The following MTM1 variants were observed in gnomAD, a reference collection of about 807,000 sequenced individuals.
MTM1 encodes myotubularin 1, also known as myotubularin.
Under a neutral mutation model 52.1 loss-of-function variants are expected in MTM1, and 9 were observed. That is an observed-to-expected ratio of 0.17 (90% CI 0.10 to 0.30). MTM1 has a LOEUF of 0.30. Ranked by LOEUF, MTM1 falls within the 10% of genes least tolerant of loss-of-function variation. MTM1 has a pLI of 1.00. For missense variants in MTM1, 277 were observed against 470.7 expected, an observed-to-expected ratio of 0.59 and a Z score of 3.81; for synonymous variants, 136 against 163.8, an observed-to-expected ratio of 0.83 and a Z score of 1.29.
At chrX:150,563,986 C>T (rs1557411142), upstream of MTM1, among the ~76,000 whole-genome samples, 1 of 111,645 alleles carries the variant, frequency 9.0e-6, no homozygotes, top group Non-Finnish European at 1.9e-5. Context: ...GATTTGGGGG[C>T]AATTGTATAT....
chrX:150,666,169 T>C (rs1347974582), intron 14 of MTM1, among the ~76,000 whole-genome samples: 2 of 112,434 alleles, frequency 1.8e-5, no homozygotes, highest in African/African-American at 3.2e-5. Flanking sequence ...ACTTTATAAT[T>C]CATTTCCCAA....
intron 4 of MTM1, among the ~76,000 whole-genome samples, chrX:150,611,789 C>T (rs1230862386): frequency 1.8e-5 from 2 of 112,092 alleles, no homozygotes; most frequent in Admixed American, 9.5e-5. Context: ...TTTAGAGTCG[C>T]GCTATCCCTC....
Position 150,633,783 on chromosome X carries a change from G to A in MTM1, c.445-5160G>A, listed in dbSNP as rs150766865. On this transcript the variant is annotated intron_variant, in intron 6 of 14. Transcript: ENST00000370396. ...GCCGTGGCTCACGCCTGTAAGCCAA[G>A]CACTTTGAAAGGCCAAGGTGGGTAG... 3.5e-3 allele frequency among the ~76,000 whole-genome samples: 392 copies of A among 112,425 alleles called. 3 individuals carry two copies. Among genetic ancestry groups the A allele is most frequent in the African/African-American group, 0.012 (365 of 30,994 alleles).
intron 4 of MTM1, among the ~76,000 whole-genome samples, chrX:150,603,863 T>C (rs2039108193): frequency 1.8e-5 from 2 of 111,335 alleles, no homozygotes; most frequent in African/African-American, 6.6e-5. Flanking sequence ...CCGGGGGACA[T>C]GGACACTTTT....
intron 1 of MTM1, among the ~76,000 whole-genome samples, chrX:150,569,418 T>C (rs1472944747): frequency 1.8e-5 from 2 of 113,057 alleles, no homozygotes; most frequent in Non-Finnish European, 3.7e-5. Context: ...TAGAGCTTTA[T>C]AGACGCACGC....
At chrX:150,570,635 A>G (rs781923055) in intron 1 of MTM1, among the ~76,000 whole-genome samples, 34 of 111,835 alleles carry the variant, frequency 3.0e-4, no homozygotes, top group South Asian at 7.5e-4. Flanking sequence ...GCTGAGGTCA[A>G]TATTGGTTGT....
chrX:150,578,241 T>G (rs2038507834), intron 1 of MTM1, among the ~76,000 whole-genome samples: 1 of 111,997 alleles, frequency 8.9e-6, no homozygotes, highest in African/African-American at 3.3e-5. Context: ...GCAGGTGGTC[T>G]CTAGGAACTA....
At chrX:150,599,948 G>A (rs2039041368) in intron 4 of MTM1, among the ~76,000 whole-genome samples, 1 of 112,202 alleles carries the variant, frequency 8.9e-6, no homozygotes. Flanking sequence ...TTTTAAACAT[G>A]ATTTTTAAGT....
intron 4 of MTM1, among the ~76,000 whole-genome samples, chrX:150,607,832 C>T (rs2039197083): frequency 9.0e-6 from 1 of 111,613 alleles, no homozygotes; most frequent in African/African-American, 3.3e-5. Flanking sequence ...TTCTCCCTCA[C>T]GAAGCTTATA....
intron 1 of MTM1, among the ~76,000 whole-genome samples, chrX:150,583,618 ATT>A (rs781841193): frequency 2.9e-5 from 1 of 34,740 alleles, no homozygotes; most frequent in Non-Finnish European, 4.4e-5. Flanking sequence ...ATTTATATAT[ATT>A]ATATATAATT....
At chrX:150,584,026 CTGGCAGCAAATATATTTTTATATA>C (rs2038735930) in intron 1 of MTM1, among the ~76,000 whole-genome samples, 1 of 90,596 alleles carries the variant, frequency 1.1e-5, no homozygotes, top group Non-Finnish European at 2.1e-5. Flanking sequence ...CATACCTGAT[CTGGCAGCAAATATATTTTTATATA>C]TGGCAGCAAA....
chrX:150,599,353 G>C (rs781895238), intron 4 of MTM1, among the ~76,000 whole-genome samples: 11 of 112,345 alleles, frequency 9.8e-5, no homozygotes, highest in African/African-American at 3.6e-4. Context: ...AAAGGGAAGA[G>C]AGAGTGAGTA....
chrX:150,563,471 C>T (rs1913261207), upstream of MTM1, among the ~76,000 whole-genome samples: 1 of 106,983 alleles, frequency 9.3e-6, no homozygotes, highest in African/African-American at 3.4e-5. Flanking sequence ...CGTGCCACCA[C>T]ACCTGGCTAA....
chrX:150,563,305 CTTTTTTTTTTTTTTTT>C, the MTM1 span, among the ~76,000 whole-genome samples: 1 of 34,503 alleles, frequency 2.9e-5, no homozygotes, highest in Non-Finnish European at 4.9e-5. Context: ...TAAATCTCAG[CTTTTTTTTTTTTTTTT>C]TTTTTTTTTT....
chrX:150,613,237 T>C (rs186531649), intron 4 of MTM1, among the ~76,000 whole-genome samples: 55 of 111,920 alleles, frequency 4.9e-4, no homozygotes, highest in Non-Finnish European at 5.6e-5. Context: ...TTTTTTTCTT[T>C]ATTTTTCAAA....
chrX:150,660,437 C>T lies in MTM1; in HGVS notation c.1420C>T (p.Arg474Ter), dbSNP rs587783792. The part of the protein sequence containing the change: ...IIILDHLYSC[R>*]FGTFLFNCES... ...AATTTTGGATCATCTGTATAGTTGC[C>T]GATTTGGTACTTTCTTATTCAACTG... The change falls in exon 13 of 15, where the codon CGA (arginine) becomes TGA (stop). Residue 474 changes from arginine to a stop codon, truncating the protein, a stop_gained. Coordinates refer to ENST00000370396, the MANE Select transcript of MTM1 (RefSeq NM_000252.3). LOFTEE classifies it high-confidence loss of function. 1 of 1,202,951 alleles carries T rather than the reference C, an allele frequency of 8.3e-7. No homozygotes were observed. Among genetic ancestry groups the T allele is most frequent in the Non-Finnish European group, 1.1e-6 (1 of 887,848 alleles).
upstream of MTM1, among the ~76,000 whole-genome samples, chrX:150,566,385 G>A (rs1371331061): frequency 1.8e-5 from 2 of 111,544 alleles, no homozygotes; most frequent in African/African-American, 3.3e-5. Flanking sequence ...TGATCCGCCC[G>A]CCTCGGCCTC....
chrX:150,569,299 C>T (rs782504977), intron 1 of MTM1, among the ~76,000 whole-genome samples: 1 of 113,494 alleles, frequency 8.8e-6, no homozygotes, highest in Admixed American at 9.2e-5. Flanking sequence ...AGCAAGCGCC[C>T]GTGGCCGGGT....
intron 14 of MTM1, among the ~76,000 whole-genome samples, chrX:150,668,335 A>G (rs1436516736): frequency 9.0e-6 from 1 of 111,696 alleles, no homozygotes; most frequent in Non-Finnish European, 1.9e-5. Flanking sequence ...TCCCTTCTCT[A>G]GGATACAGGT....
Sources: allele counts gnomAD v4.1 joint callset (sites outside exome capture counted in the v4.1 genomes callset), GRCh38; gene constraint gnomAD v4.1.1; transcripts MANE v1.5; gene names NCBI Gene and HGNC (gene_info 2026-07-23, HGNC 2026-07-21).